The following RNF157 variants were observed in gnomAD, a reference collection of about 807,000 sequenced individuals.
RNF157 encodes ring finger protein 157, also known as E3 ubiquitin ligase RNF157.
In RNF157, 55 loss-of-function variants were observed where a neutral mutation model predicts 88.3. The ratio of observed to expected loss-of-function variants is 0.62; its 90% CI spans 0.50 to 0.78. The LOEUF (loss-of-function observed/expected upper bound fraction) is 0.78. RNF157 is among the 30% of genes least tolerant of loss of function. The pLI is 0.00. For synonymous variants in RNF157, 334 were observed against 341.2 expected, an observed-to-expected ratio of 0.98 and a Z score of 0.23; for missense variants, 788 against 860.8, an observed-to-expected ratio of 0.92 and a Z score of 1.06.
Position 76,142,651 on chromosome 17 carries a change from G to T in RNF157, c.*2584C>A, listed in dbSNP as rs963706028. 1 of 152,378 alleles carries T rather than the reference G, an allele frequency of 6.6e-6. No individual in the cohort carries two copies. Among genetic ancestry groups the T allele is most frequent in the Non-Finnish European group, 1.5e-5 (1 of 68,146 alleles). 9.4% of individuals were successfully genotyped at this position (152,378 alleles called of 1,614,324 possible). Reference sequence around the variant, plus strand: ...GTGTGCAGACCAAAGCAAAGTGAGCGACCAGCGTGCTAAACTCCAGGTGGG... The same window carrying T: ...GTGTGCAGACCAAAGCAAAGTGAGCTACCAGCGTGCTAAACTCCAGGTGGG... On this transcript the variant is annotated 3_prime_UTR_variant, in exon 19 of 19. Transcript: ENST00000269391.
chr17:76,203,288 G>A (rs1397202855), intron 2 of RNF157, among the ~76,000 whole-genome samples: 2 of 152,004 alleles, frequency 1.3e-5, no homozygotes, highest in African/African-American at 4.8e-5. Flanking sequence ...ATCAGGTCCC[G>A]CCATCATTTT....
intron 18 of RNF157, among the ~76,000 whole-genome samples, chr17:76,150,397 G>A (rs1054797586): frequency 6.6e-6 from 1 of 152,156 alleles, no homozygotes; most frequent in South Asian, 2.1e-4. Flanking sequence ...ATTCCATGGA[G>A]TAACTATCAA....
At chr17:76,178,795 A>ATT (rs1294144552) in intron 2 of RNF157, among the ~76,000 whole-genome samples, 1 of 152,054 alleles carries the variant, frequency 6.6e-6, no homozygotes, top group African/African-American at 2.4e-5. Flanking sequence ...AAGTCCCCCA[A>ATT]GTTTTAGGGA....
intron 2 of RNF157, among the ~76,000 whole-genome samples, chr17:76,210,069 T>C (rs1050050995): frequency 1.3e-5 from 2 of 152,182 alleles, no homozygotes; most frequent in Non-Finnish European, 2.9e-5. Context: ...AAAGGGCTAC[T>C]TTCAAAGCAC....
chr17:76,165,499 C>CA lies in RNF157; in HGVS notation c.672+2dup, dbSNP rs1568032579. On this transcript the variant is annotated splice_region_variant and intron_variant, in intron 7 of 18. Coordinates refer to ENST00000269391, the MANE Select transcript of RNF157 (RefSeq NM_052916.3). ...TAAAGCGAGGCCCTCTAAAGTCACTCACCTTCTCAAAAGTACCCAGCAGTA... is the reference window on the plus strand; with the variant it reads ...TAAAGCGAGGCCCTCTAAAGTCACTCAACCTTCTCAAAAGTACCCAGCAGTA... 1.2e-6 allele frequency: 2 copies of CA among 1,614,112 alleles called. No individual in the cohort carries two copies. The highest frequency in any genetic ancestry group is 3.3e-5 in the Admixed American group (2 of 60,022).
At chr17:76,148,427 T>A (rs560775217) in intron 18 of RNF157, among the ~76,000 whole-genome samples, 3 of 152,032 alleles carry the variant, frequency 2.0e-5, no homozygotes, top group African/African-American at 7.2e-5. Context: ...CCACCACGCC[T>A]GGCTAATTTT....
chr17:76,226,875 C>T lies in RNF157; in HGVS notation c.88+13278G>A, dbSNP rs560367621. The T allele has an allele frequency of 1.3e-5, 17 of 1,278,908 alleles. No individual in the cohort carries two copies. The East Asian group carries it at 3.3e-4, about 25-fold the overall frequency. 79.2% of individuals were successfully genotyped at this position (1,278,908 alleles called of 1,614,324 possible). ...GGTGTCTTTGTCGGTTACAGCAATGCTGCTGCTGAATGCCGTGGGAAGCGC... is the reference window on the plus strand; with the variant it reads ...GGTGTCTTTGTCGGTTACAGCAATGTTGCTGCTGAATGCCGTGGGAAGCGC... On this transcript the variant is annotated intron_variant, in intron 1 of 18. Coordinates refer to ENST00000269391, the MANE Select transcript of RNF157 (RefSeq NM_052916.3).
chr17:76,208,153 G>C (rs572458173), intron 2 of RNF157, among the ~76,000 whole-genome samples: 1 of 152,182 alleles, frequency 6.6e-6, no homozygotes, highest in Admixed American at 6.5e-5. Context: ...CAATTTCTAG[G>C]CTCAAGAGAT....
intron 1 of RNF157, among the ~76,000 whole-genome samples, chr17:76,225,300 C>A (rs111819139): frequency 3.9e-5 from 6 of 152,146 alleles, no homozygotes; most frequent in African/African-American, 1.4e-4. Context: ...GCCTGGGCAA[C>A]ATAGCAAGAC....
intron 2 of RNF157, among the ~76,000 whole-genome samples, chr17:76,182,278 G>A (rs1236377056): frequency 6.6e-5 from 10 of 152,142 alleles, no homozygotes; most frequent in Non-Finnish European, 1.3e-4. Flanking sequence ...TGTGTTACGT[G>A]AGCAACTCCT....
At position 76,149,862 on chromosome 17, in the gene RNF157, C is replaced by T. The variant is rs79477452; in HGVS notation, c.1921+2493G>A. On this transcript the variant is annotated intron_variant, in intron 18 of 18. Coordinates refer to ENST00000269391, the MANE Select transcript of RNF157 (RefSeq NM_052916.3). ...CACCCTGACCAACATGGTAAAACTC[C>T]GTCTCTGCTAAAAATACAAAAATTA... Among the ~76,000 whole-genome samples, 73 of 152,028 alleles carry T rather than the reference C, an allele frequency of 4.8e-4. 2 individuals carry two copies. The East Asian group carries it at 0.012, about 25-fold the overall frequency.
chr17:76,232,191 A>G (rs72868740), intron 1 of RNF157, among the ~76,000 whole-genome samples: 21,464 of 152,030 alleles, frequency 0.14, 2,244 homozygotes, highest in African/African-American at 0.28. Context: ...GAGACCAGCC[A>G]GGGCAACGTA....
At chr17:76,209,558 C>T in intron 2 of RNF157, among the ~76,000 whole-genome samples, 1 of 149,616 alleles carries the variant, frequency 6.7e-6, no homozygotes, top group African/African-American at 2.5e-5. Flanking sequence ...TGTGACAATT[C>T]TTCTTCTTCC....
intron 8 of RNF157, chr17:76,164,415 C>T (rs2068890792): frequency 1.0e-5 from 2 of 192,204 alleles, no homozygotes; most frequent in East Asian, 2.4e-4. Flanking sequence ...AAAGAGTTCT[C>T]CCTAAACCCA....
Position 76,144,304 on chromosome 17 carries a change from C to G in RNF157, c.*931G>C, listed in dbSNP as rs2068552901. ...GGGAAATCATCTTAACTGGGGGATT[C>G]TCAGATTCAAGGGCTCCTTCTTTTT... On this transcript the variant is annotated 3_prime_UTR_variant, in exon 19 of 19. Coordinates refer to ENST00000269391, the MANE Select transcript of RNF157 (RefSeq NM_052916.3). The G allele has an allele frequency of 6.6e-6, 1 of 151,342 alleles. No individual in the cohort carries two copies. The highest frequency in any genetic ancestry group is 1.5e-5 in the Non-Finnish European group (1 of 67,874). 9.4% of individuals were successfully genotyped at this position (151,342 alleles called of 1,614,324 possible).
At chr17:76,163,455 G>C (rs965034535) in intron 8 of RNF157, 1 of 151,982 alleles carries the variant, frequency 6.6e-6, no homozygotes, top group African/African-American at 2.4e-5. Context: ...TCAGGCTCCC[G>C]AACTGCTAGG....
Position 76,176,559 on chromosome 17 carries a change from G to A in RNF157, c.208-2769C>T, listed in dbSNP as rs2069105477. On this transcript the variant is annotated intron_variant, in intron 2 of 18. Coordinates refer to ENST00000269391, the MANE Select transcript of RNF157 (RefSeq NM_052916.3). This position sits in a 1 kb window ranked among gnomAD's most constrained non-coding sequence, Gnocchi z 4.2. ...TATTGAGTGCTTACTATTGATGACA[G>A]TGGTGGGCTGTCCAGAGCAGCCGCT... Among the ~76,000 whole-genome samples the A allele has an allele frequency of 6.6e-6, 1 of 152,202 alleles. No individual in the cohort carries two copies. The highest frequency in any genetic ancestry group is 1.5e-5 in the Non-Finnish European group (1 of 68,032).
intron 1 of RNF157, among the ~76,000 whole-genome samples, chr17:76,225,128 C>T (rs2070057946): frequency 6.6e-6 from 1 of 152,046 alleles, no homozygotes; most frequent in Admixed American, 6.6e-5. Context: ...GCCAAGATTG[C>T]ACTACTGCAC....
At position 76,180,380 on chromosome 17, in the gene RNF157, A is replaced by C. The variant is rs547397925; in HGVS notation, c.208-6590T>G. 3.5e-4 allele frequency among the ~76,000 whole-genome samples: 53 copies of C among 152,290 alleles called. 1 individual carries two copies. In the South Asian group the frequency reaches 0.011, roughly 30 times the overall value. On this transcript the variant is annotated intron_variant, in intron 2 of 18. Coordinates refer to ENST00000269391, the MANE Select transcript of RNF157 (RefSeq NM_052916.3). ...AGAAAAGCAAGGCACAGATCCCCCT[A>C]ATCTATTCATCTAACCAGAAAACTC...
Sources: allele counts gnomAD v4.1 joint callset (sites outside exome capture counted in the v4.1 genomes callset), GRCh38; gene constraint gnomAD v4.1.1; non-coding constraint Gnocchi (gnomAD v3.1); transcripts MANE v1.5; gene names NCBI Gene and HGNC (gene_info 2026-07-23, HGNC 2026-07-21).